Variants in PTPRM observed in about 807,000 individuals in gnomAD.
PTPRM encodes the protein protein tyrosine phosphatase receptor type M, also known as receptor-type tyrosine-protein phosphatase mu.
In PTPRM, 47 loss-of-function variants were observed where a neutral mutation model predicts 186.7. The ratio of observed to expected loss-of-function variants is 0.25; its 90% CI spans 0.20 to 0.32. The LOEUF (loss-of-function observed/expected upper bound fraction) is 0.32. PTPRM is among the 10% of genes least tolerant of loss of function. The pLI, the probability that PTPRM is intolerant of heterozygous loss-of-function variation, is 1.00. For missense variants in PTPRM, 1,494 were observed against 1,865.0 expected, an observed-to-expected ratio of 0.80 and a Z score of 3.66; for synonymous variants, 668 against 674.9, an observed-to-expected ratio of 0.99 and a Z score of 0.16.
intron 2 of PTPRM, among the ~76,000 whole-genome samples, chr18:7,835,734 T>TGGCTC (rs1174747733): frequency 6.6e-6 from 1 of 152,194 alleles, no homozygotes; most frequent in African/African-American, 2.4e-5. Flanking sequence ...ATTTTCTTTA[T>TGGCTC]ATATCTGGGT....
At position 7,762,109 on chromosome 18, in the gene PTPRM, G is replaced by A. The variant is rs141064543; in HGVS notation, c.74-12040G>A. Among the ~76,000 whole-genome samples, 746 of 152,222 alleles carry A rather than the reference G, an allele frequency of 4.9e-3. 4 individuals are homozygous for A. Among genetic ancestry groups the A allele is most frequent in the Non-Finnish European group, 6.6e-3 (446 of 68,024 alleles). On this transcript the variant is annotated intron_variant, in intron 1 of 32. Coordinates refer to ENST00000580170, the MANE Select transcript of PTPRM (RefSeq NM_001105244.2). ...AGAACATTGTCCTTGTTCAAGGACC[G>A]CCCAGTGCAATAGAGAAGACAAGCA...
intron 14 of PTPRM, chr18:8,155,021 A>G (rs1016210693): frequency 6.6e-6 from 1 of 152,224 alleles, no homozygotes; most frequent in Non-Finnish European, 1.5e-5. Flanking sequence ...AATGTTAAGA[A>G]AAGGTGTGAG....
intron 2 of PTPRM, among the ~76,000 whole-genome samples, chr18:7,831,483 T>C (rs945998429): frequency 6.6e-5 from 10 of 152,174 alleles, no homozygotes; most frequent in Middle Eastern, 3.2e-3. Context: ...TTTAATTTTT[T>C]AAAAATTGTT....
chr18:7,700,902 A>G (rs780239175), intron 1 of PTPRM, among the ~76,000 whole-genome samples: 15 of 149,148 alleles, frequency 1.0e-4, no homozygotes, highest in Admixed American at 2.0e-4. Context: ...GCTTGAGCCC[A>G]GGAGACGGAG....
intron 22 of PTPRM, among the ~76,000 whole-genome samples, chr18:8,336,955 A>G (rs2095443309): frequency 6.6e-6 from 1 of 152,100 alleles, no homozygotes; most frequent in Non-Finnish European, 1.5e-5. Context: ...CCAGCCTGGC[A>G]ACAGAGCAAT....
At chr18:8,323,120 C>T (rs1315216064) in intron 22 of PTPRM, among the ~76,000 whole-genome samples, 1 of 152,168 alleles carries the variant, frequency 6.6e-6, no homozygotes. Context: ...TGAGTCATTG[C>T]ACTCGGCTTT....
intron 1 of PTPRM, among the ~76,000 whole-genome samples, chr18:7,732,183 G>A (rs1018371676): frequency 1.3e-5 from 2 of 152,092 alleles, no homozygotes; most frequent in African/African-American, 4.8e-5. Flanking sequence ...TCTTCCTAAT[G>A]TGGCAATGAA....
At chr18:8,342,695 T>A (rs1285636598) in intron 22 of PTPRM, among the ~76,000 whole-genome samples, 3 of 152,236 alleles carry the variant, frequency 2.0e-5, no homozygotes, top group Admixed American at 6.5e-5. Context: ...TGGGTTTTTT[T>A]AAAATCTGGA....
chr18:8,252,767 C>T (rs2094539896), intron 18 of PTPRM, among the ~76,000 whole-genome samples: 1 of 152,174 alleles, frequency 6.6e-6, no homozygotes. Context: ...GTATTAAGTC[C>T]CCATTTCCAT....
chr18:8,007,046 A>G (rs921260496), intron 7 of PTPRM, among the ~76,000 whole-genome samples: 2 of 152,206 alleles, frequency 1.3e-5, no homozygotes, highest in African/African-American at 4.8e-5. Flanking sequence ...GTTAAACCGC[A>G]TCATTCCCTC....
chr18:8,160,262 A>G (rs11663160), intron 14 of PTPRM, among the ~76,000 whole-genome samples: 24,036 of 152,072 alleles, frequency 0.16, 1,966 homozygotes, highest in African/African-American at 0.18. Context: ...GAAGTCAGGG[A>G]GAACTTTATT....
chr18:7,688,463 G>C (rs919190752), intron 1 of PTPRM, among the ~76,000 whole-genome samples: 1 of 152,198 alleles, frequency 6.6e-6, no homozygotes, highest in African/African-American at 2.4e-5. Context: ...TTTTGTCTAT[G>C]AGTATTGTTG....
chr18:7,918,601 A>G (rs2050694137), intron 4 of PTPRM, among the ~76,000 whole-genome samples: 1 of 152,184 alleles, frequency 6.6e-6, no homozygotes, highest in Non-Finnish European at 1.5e-5. Flanking sequence ...GGAAAGAATC[A>G]GTGAATCTGA....
At chr18:7,592,684 T>C (rs1342591888) in intron 1 of PTPRM, among the ~76,000 whole-genome samples, 1 of 152,204 alleles carries the variant, frequency 6.6e-6, no homozygotes, top group African/African-American at 2.4e-5. Flanking sequence ...AGCAGGGTCC[T>C]AGAATTGGGA....
intron 22 of PTPRM, among the ~76,000 whole-genome samples, chr18:8,328,974 T>TA (rs2095395341): frequency 6.6e-6 from 1 of 152,182 alleles, no homozygotes; most frequent in Admixed American, 6.5e-5. Context: ...AAAGATGAAG[T>TA]AAAAAATAGA....
chr18:8,240,750 CCGCG>C (rs1430618677), intron 14 of PTPRM, among the ~76,000 whole-genome samples: 1 of 112,416 alleles, frequency 8.9e-6, no homozygotes, highest in Non-Finnish European at 1.7e-5. Flanking sequence ...TTGTGGCAAC[CCGCG>C]AGGGAGGGAG....
intron 3 of PTPRM, among the ~76,000 whole-genome samples, chr18:7,895,091 G>A (rs1350416171): frequency 3.3e-5 from 5 of 152,054 alleles, no homozygotes; most frequent in African/African-American, 1.2e-4. Context: ...TACACTTTGT[G>A]TTACAAAGAA....
intron 3 of PTPRM, among the ~76,000 whole-genome samples, chr18:7,895,741 T>C (rs560130815): frequency 3.3e-4 from 51 of 152,310 alleles, no homozygotes; most frequent in South Asian, 2.1e-3. Flanking sequence ...AACTCTGCAA[T>C]TGTTGGACTA....
intron 7 of PTPRM, among the ~76,000 whole-genome samples, chr18:7,966,766 A>T (rs977772541): frequency 1.8e-4 from 25 of 137,134 alleles, no homozygotes; most frequent in African/African-American, 6.3e-4. Flanking sequence ...AAAACGGCGC[A>T]CCACGAGACT....
Sources: allele counts gnomAD v4.1 joint callset (sites outside exome capture counted in the v4.1 genomes callset), GRCh38; gene constraint gnomAD v4.1.1; transcripts MANE v1.5; gene names NCBI Gene and HGNC (gene_info 2026-07-23, HGNC 2026-07-21).